Variants in JMJD1C observed in about 807,000 individuals in gnomAD.
The protein encoded by JMJD1C is jumonji domain containing 1C.
A neutral mutation model predicts 245.3 loss-of-function variants in JMJD1C; 31 were observed. That is an observed-to-expected ratio of 0.13 (90% CI 0.09 to 0.17). JMJD1C has a LOEUF of 0.17. Among genes scored for constraint, JMJD1C ranks in the 10% least tolerant of loss-of-function variants. The pLI is 1.00. For missense variants in JMJD1C, 2,691 were observed against 3,000.2 expected (o/e 0.90, Z 2.41); for synonymous variants, 1,057 against 1,017.4 (o/e 1.04, Z -0.74).
At position 63,371,826 on chromosome 10, in the gene JMJD1C, C is replaced by T. The variant is rs55967518; in HGVS notation, c.333+8492G>A. ...ATGTATAATTTGATCTCTTAAAGTG[C>T]TTTACCTTGTAGAGAAATAACAATC... On this transcript the variant is annotated intron_variant, in intron 2 of 25. Coordinates refer to ENST00000399262, the MANE Select transcript of JMJD1C (RefSeq NM_032776.3). Among the ~76,000 whole-genome samples the T allele has an allele frequency of 9.2e-3, 1,398 of 152,264 alleles. 17 individuals are homozygous for T. Among genetic ancestry groups the T allele is most frequent in the African/African-American group, 0.031 (1,279 of 41,554 alleles).
intron 2 of JMJD1C, among the ~76,000 whole-genome samples, chr10:63,300,367 T>C (rs1419845507): frequency 2.0e-5 from 3 of 151,228 alleles, no homozygotes; most frequent in South Asian, 4.1e-4. Flanking sequence ...CTATCTTTGT[T>C]TGTCTAGATA....
chr10:63,299,198 T>C (rs906243746), intron 2 of JMJD1C, among the ~76,000 whole-genome samples: 2 of 152,162 alleles, frequency 1.3e-5, no homozygotes, highest in African/African-American at 2.4e-5. Context: ...TCTTCTTTTT[T>C]TGAGACAGAG....
Position 63,207,843 on chromosome 10 carries a change from A to C in JMJD1C, c.3826T>G (p.Trp1276Gly). Residue 1276 changes from tryptophan to glycine, a missense_variant, in exon 10 of 26, where the codon TGG (tryptophan) becomes GGG (glycine). By Grantham distance (184) the Trp-to-Gly change is radical. Coordinates refer to ENST00000399262, the MANE Select transcript of JMJD1C (RefSeq NM_032776.3). ...TTGCTGAGGTTATTATTAGGTCTCC[A>C]CATCTCCGTCAAACTCTGTTCTGAA... ...SSSEQSLTEM[W>G]RPNNNLSKEK... is the part of the protein sequence containing the mutation. 1 of 1,614,198 alleles carries C rather than the reference A, an allele frequency of 6.2e-7. No individual in the cohort carries two copies. Among genetic ancestry groups the C allele is most frequent in the East Asian group, 2.2e-5 (1 of 44,892 alleles).
rs182073812 is a variant in JMJD1C at position 63,398,137 on chromosome 10, C to G, written c.169-17655G>C. 5.8e-4 allele frequency among the ~76,000 whole-genome samples: 88 copies of G among 152,236 alleles called. 1 individual carries two copies. The highest frequency in any genetic ancestry group is 3.4e-3 in the Middle Eastern group (1 of 294). ...TATCCATTATTTAACAGGCAGTATT[C>G]AAGTTTCCCAGGTTGGGTTGTTTGT... On this transcript the variant is annotated intron_variant, in intron 1 of 25. Transcript: ENST00000399262.
At chr10:63,420,950 A>G (rs1458423553) in intron 1 of JMJD1C, among the ~76,000 whole-genome samples, 1 of 152,216 alleles carries the variant, frequency 6.6e-6, no homozygotes, top group Non-Finnish European at 1.5e-5. Flanking sequence ...AATATTATTG[A>G]AACTGATAAC....
intron 2 of JMJD1C, among the ~76,000 whole-genome samples, chr10:63,349,949 G>A (rs971280743): frequency 1.3e-5 from 2 of 152,024 alleles, no homozygotes; most frequent in Admixed American, 6.6e-5. Context: ...AAAAACTCTT[G>A]ACATTCTGCC....
At chr10:63,376,933 A>C (rs1004560276) in intron 2 of JMJD1C, among the ~76,000 whole-genome samples, 1 of 152,244 alleles carries the variant, frequency 6.6e-6, no homozygotes, top group Non-Finnish European at 1.5e-5. Context: ...ATATACCCAA[A>C]TAGTTGAACA....
intron 3 of JMJD1C, among the ~76,000 whole-genome samples, chr10:63,248,944 G>A (rs1462780493): frequency 6.6e-6 from 1 of 152,222 alleles, no homozygotes; most frequent in Non-Finnish European, 1.5e-5. Context: ...GGAAGTGGAG[G>A]TTATTACGTT....
chr10:63,213,844 G>C lies in JMJD1C; in HGVS notation c.2323C>G (p.Pro775Ala), dbSNP rs1268802352. 7 of 1,614,014 alleles carry C rather than the reference G, an allele frequency of 4.3e-6. No individual in the cohort carries two copies. In the Middle Eastern group the frequency reaches 8.2e-4, roughly 190 times the overall value. ...LAGSSSQTPL[P>A]TINTHPLTSG... The stretch of plus-strand genomic sequence containing the variant: ...GTCAGAGGATGAGTGTTAATGGTAG[G>C]TAATGGAGTTTGACTAGATGATCCG... Residue 775 changes from proline to alanine, a missense_variant, in exon 8 of 26, where the codon CCT becomes GCT. This residue lies in a region of JMJD1C where 1,562 missense variants were observed against 1,490.7 expected (regional missense o/e 1.05). Coordinates refer to ENST00000399262, the MANE Select transcript of JMJD1C (RefSeq NM_032776.3).
At chr10:63,253,914 T>C (rs1239738888) in intron 3 of JMJD1C, among the ~76,000 whole-genome samples, 1 of 152,126 alleles carries the variant, frequency 6.6e-6, no homozygotes, top group African/African-American at 2.4e-5. Context: ...TATGTGTGTT[T>C]CCCCCATTAA....
chr10:63,383,064 C>A (rs182672965), intron 1 of JMJD1C, among the ~76,000 whole-genome samples: 3 of 152,178 alleles, frequency 2.0e-5, no homozygotes, highest in Admixed American at 1.3e-4. Flanking sequence ...TTAGTGCTCA[C>A]TACAGTGCTG....
rs189104263 is a variant in JMJD1C, at chr10:63,245,697, G to C, written c.447+18954C>G. Among the ~76,000 whole-genome samples the C allele has an allele frequency of 3.2e-3, 488 of 152,216 alleles. 2 individuals carry two copies. The highest frequency in any genetic ancestry group is 0.011 in the African/African-American group (473 of 41,530). ...GAGGTTTCACCATGTTGGCCAGGCT[G>C]GTCTCGAACTCTTGACCTCAGGTGA... On this transcript the variant is annotated intron_variant, in intron 3 of 25. Coordinates refer to ENST00000399262, the MANE Select transcript of JMJD1C (RefSeq NM_032776.3).
rs995129886 is a variant in JMJD1C at position 63,465,958 on chromosome 10, A to G, written c.-296T>C. 19 of 509,910 alleles carry G rather than the reference A, an allele frequency of 3.7e-5. No homozygotes were observed. Among genetic ancestry groups the G allele is most frequent in the Admixed American group, 8.8e-5 (3 of 34,176 alleles). The allele number at this position is 509,910 out of a possible 1,614,324, so 31.6% of individuals were successfully genotyped here. On this transcript the variant is annotated 5_prime_UTR_variant, in exon 1 of 26. Transcript: ENST00000399262. ...ACCCCGAGGCAGCCCAGCCGCCGCCACCGCGCCGCGGCCAGTACTGCTCCG... is the reference window on the plus strand; with the variant it reads ...ACCCCGAGGCAGCCCAGCCGCCGCCGCCGCGCCGCGGCCAGTACTGCTCCG...
At chr10:63,372,494 T>C (rs1019175235) in intron 2 of JMJD1C, among the ~76,000 whole-genome samples, 1 of 152,218 alleles carries the variant, frequency 6.6e-6, no homozygotes, top group South Asian at 2.1e-4. Flanking sequence ...TTTTATTATA[T>C]ATTGACATGT....
At chr10:63,438,244 CTA>C (rs940055660) in intron 1 of JMJD1C, among the ~76,000 whole-genome samples, 1 of 152,172 alleles carries the variant, frequency 6.6e-6, no homozygotes, top group African/African-American at 2.4e-5. Context: ...AATGGTAACT[CTA>C]TGTTTTGCAG....
intron 1 of JMJD1C, among the ~76,000 whole-genome samples, chr10:63,497,404 C>T (rs1246017274): frequency 8.5e-5 from 13 of 152,146 alleles, no homozygotes; most frequent in Admixed American, 7.9e-4. Flanking sequence ...CAAAAGACCA[C>T]ATATTATATG....
chr10:63,235,271 G>A (rs1850592803), intron 3 of JMJD1C, among the ~76,000 whole-genome samples: 1 of 152,144 alleles, frequency 6.6e-6, no homozygotes, highest in South Asian at 2.1e-4. Flanking sequence ...TGAGGCAGGT[G>A]GATCGCCTGA....
intron 1 of JMJD1C, among the ~76,000 whole-genome samples, chr10:63,393,463 A>G (rs1269902460): frequency 6.6e-6 from 1 of 152,212 alleles, no homozygotes; most frequent in African/African-American, 2.4e-5. Context: ...TACAGTCATT[A>G]GGAAAAACAG....
At chr10:63,249,339 C>G (rs879323787) in intron 3 of JMJD1C, among the ~76,000 whole-genome samples, 1 of 151,920 alleles carries the variant, frequency 6.6e-6, no homozygotes, top group Non-Finnish European at 1.5e-5. Flanking sequence ...ACAACAACAA[C>G]AAAAAGCAGA....
Sources: gnomAD v4.1 joint callset for allele counts (sites outside exome capture counted in the v4.1 genomes callset) on GRCh38, gnomAD v4.1.1 for gene constraint, gnomAD v4.1.1 regional missense constraint, MANE v1.5 for transcripts, NCBI Gene and HGNC (gene_info 2026-07-23, HGNC 2026-07-21) for gene names.